The following PDE4D variants were observed in gnomAD, a reference collection of about 807,000 sequenced individuals.
The protein encoded by PDE4D is 3',5'-cyclic-AMP phosphodiesterase 4D.
PDE4D carries 24 observed loss-of-function variants against 87.4 expected under a neutral mutation model. The ratio of observed to expected loss-of-function variants is 0.27; its 90% CI spans 0.20 to 0.39. The LOEUF (loss-of-function observed/expected upper bound fraction) is 0.39, where lower values mean the gene tolerates loss of function less well. PDE4D is among the 10% of genes least tolerant of loss of function. The probability of loss-of-function intolerance (pLI) is 1.00; values close to 1 mark genes in which losing one functional copy is unlikely to be tolerated. For synonymous variants in PDE4D, 384 were observed against 383.2 expected (o/e 1.00, Z -0.02); for missense variants, 714 against 1,041.0 (o/e 0.69, Z 4.32).
intron 2 of PDE4D, among the ~76,000 whole-genome samples, chr5:59,201,270 G>C: frequency 6.6e-6 from 1 of 152,010 alleles, no homozygotes; most frequent in East Asian, 1.9e-4. Flanking sequence ...GGGCTGCACA[G>C]GTAATTCATG....
intron 1 of PDE4D, chr5:59,275,890 G>C: frequency 4.1e-6 from 4 of 985,448 alleles, no homozygotes; most frequent in Non-Finnish European, 4.8e-6. Context: ...GGCAAGCACA[G>C]GAAAACACTC....
intron 1 of PDE4D, among the ~76,000 whole-genome samples, chr5:60,304,651 C>CA (rs70975379): frequency 0.022 from 1,289 of 58,848 alleles, 18 homozygotes; most frequent in Non-Finnish European, 0.028. Flanking sequence ...GACTCCGTCT[C>CA]AAAAAAAAAA....
chr5:59,887,913 T>C (rs1750402399), intron 1 of PDE4D, among the ~76,000 whole-genome samples: 1 of 152,224 alleles, frequency 6.6e-6, no homozygotes, highest in African/African-American at 2.4e-5. Flanking sequence ...GGGCTACTGA[T>C]GGTTAAAAGA....
intron 1 of PDE4D, among the ~76,000 whole-genome samples, chr5:59,305,547 C>T (rs1406594070): frequency 6.6e-6 from 1 of 152,030 alleles, no homozygotes; most frequent in African/African-American, 2.4e-5. Context: ...GGGCTATGAA[C>T]TTTCCTCTTA....
At chr5:59,366,570 T>C (rs1190537625) in intron 1 of PDE4D, among the ~76,000 whole-genome samples, 1 of 152,192 alleles carries the variant, frequency 6.6e-6, no homozygotes, top group African/African-American at 2.4e-5. Flanking sequence ...GGGAATGAGA[T>C]AATTGGGAGC....
At chr5:59,690,012 G>A (rs1010036251) in intron 1 of PDE4D, among the ~76,000 whole-genome samples, 1 of 152,132 alleles carries the variant, frequency 6.6e-6, no homozygotes, top group Non-Finnish European at 1.5e-5. Context: ...ACTTACAAGG[G>A]ATGTGAAGGA....
Position 59,733,559 on chromosome 5 carries a change from A to G in PDE4D, c.455+159609T>C, listed in dbSNP as rs1208699174. ...TTCTGCTTTTTCTACTTATGATTACATGGATTAGAATGTTATCTGCTGTGC... is the reference window on the plus strand; with the variant it reads ...TTCTGCTTTTTCTACTTATGATTACGTGGATTAGAATGTTATCTGCTGTGC... On this transcript the variant is annotated intron_variant, in intron 1 of 14. Coordinates refer to ENST00000340635, the MANE Select transcript of PDE4D (RefSeq NM_001104631.2). Among the ~76,000 whole-genome samples, 7 of 152,236 alleles carry G rather than the reference A, an allele frequency of 4.6e-5. No individual in the cohort carries two copies. The East Asian group carries it at 1.4e-3, about 29-fold the overall frequency.
chr5:60,419,152 CAGATATACTG>C (rs373159230), intron 1 of PDE4D, among the ~76,000 whole-genome samples: 220 of 152,188 alleles, frequency 1.4e-3, no homozygotes, highest in African/African-American at 5.1e-3. Context: ...ATGTATCCTA[CAGATATACTG>C]GCATATACCA....
At chr5:60,402,816 C>A (rs1204856606) in intron 1 of PDE4D, among the ~76,000 whole-genome samples, 1 of 152,182 alleles carries the variant, frequency 6.6e-6, no homozygotes, top group Non-Finnish European at 1.5e-5. Context: ...ATTGTTGATC[C>A]CCTGTTCCTT....
At chr5:60,336,183 G>A (rs771131910) in intron 1 of PDE4D, among the ~76,000 whole-genome samples, 1 of 152,158 alleles carries the variant, frequency 6.6e-6, no homozygotes, top group Non-Finnish European at 1.5e-5. Context: ...CAGTGGACTT[G>A]CCAAAAGTCT....
chr5:59,802,550 C>T (rs918858874), intron 1 of PDE4D, among the ~76,000 whole-genome samples: 6 of 151,908 alleles, frequency 3.9e-5, no homozygotes, highest in African/African-American at 1.4e-4. Context: ...AGGTGCAAAC[C>T]ACCACGCTCA....
At chr5:60,025,492 C>T (rs1766532104) in intron 2 of PDE4D, among the ~76,000 whole-genome samples, 2 of 152,034 alleles carry the variant, frequency 1.3e-5, no homozygotes, top group Admixed American at 1.3e-4. Context: ...TACCAAGAGA[C>T]CACTCAAAAC....
chr5:60,048,473 C>T (rs566063111), intron 2 of PDE4D, among the ~76,000 whole-genome samples: 1 of 152,180 alleles, frequency 6.6e-6, no homozygotes, highest in Non-Finnish European at 1.5e-5. Flanking sequence ...ATGGTCTTTA[C>T]ATTTTGGCAT....
In PDE4D at chr5:59,427,335, ACACG is replaced by A. The variant is rs1274137669; in HGVS notation, c.456-211371_456-211368del. On this transcript the variant is annotated intron_variant, in intron 1 of 14. Transcript: ENST00000340635. ...CACACACACACACACACACACACAC[ACACG>A]CCCCTATGCCAAAATATGTACCATG... is the stretch of plus-strand genomic sequence containing the variant. Among the ~76,000 whole-genome samples the A allele has an allele frequency of 5.8e-3, 795 of 136,746 alleles. 10 individuals carry two copies. Among genetic ancestry groups the A allele is most frequent in the African/African-American group, 0.024 (744 of 30,646 alleles). The allele number at this position is 136,746 out of a possible 152,430, so 89.7% of individuals were successfully genotyped here. A position where few individuals can be genotyped will look rare whatever the true frequency, so the allele number is the denominator to read the frequency against.
intron 1 of PDE4D, among the ~76,000 whole-genome samples, chr5:59,788,246 G>A (rs1765383505): frequency 6.6e-6 from 1 of 152,284 alleles, no homozygotes; most frequent in Non-Finnish European, 1.5e-5. Flanking sequence ...AAGAGACAAG[G>A]TTTGAAAAGG....
At chr5:60,028,414 A>G (rs1036353626) in intron 2 of PDE4D, among the ~76,000 whole-genome samples, 8 of 152,180 alleles carry the variant, frequency 5.3e-5, no homozygotes, top group Non-Finnish European at 1.2e-4. Context: ...TTGTTTCTAC[A>G]GCCACTATCC....
At chr5:59,129,846 C>T (rs1467103591) in intron 5 of PDE4D, among the ~76,000 whole-genome samples, 2 of 152,098 alleles carry the variant, frequency 1.3e-5, no homozygotes, top group African/African-American at 4.8e-5. Context: ...CTTCTCTGAG[C>T]CTCAGTTTCC....
intron 1 of PDE4D, among the ~76,000 whole-genome samples, chr5:59,471,615 T>C (rs907492996): frequency 6.6e-6 from 1 of 152,254 alleles, no homozygotes; most frequent in Non-Finnish European, 1.5e-5. Context: ...CACATCCCTC[T>C]ACACCCCTTC....
intron 2 of PDE4D, among the ~76,000 whole-genome samples, chr5:60,036,278 C>T (rs1767790401): frequency 6.6e-6 from 1 of 152,214 alleles, no homozygotes; most frequent in African/African-American, 2.4e-5. Context: ...CATGCAGACA[C>T]ACTTGTACAG....
Sources: gnomAD v4.1 joint callset for allele counts (sites outside exome capture counted in the v4.1 genomes callset) on GRCh38, gnomAD v4.1.1 for gene constraint, MANE v1.5 for transcripts, NCBI Gene and HGNC (gene_info 2026-07-23, HGNC 2026-07-21) for gene names.